Variants in TEX9 observed in about 807,000 individuals in gnomAD.
The protein encoded by TEX9 is testis expressed 9.
In TEX9, 74 loss-of-function variants were observed where a neutral mutation model predicts 59.6. The observed-to-expected ratio is 1.24, with a 90% CI of 1.03 to 1.51. The LOEUF is 1.51. Ranked by LOEUF, TEX9 falls within the 40% of genes most tolerant of loss-of-function variation. The pLI is 0.00. For missense variants in TEX9, 522 were observed against 447.8 expected, an observed-to-expected ratio of 1.17 and a Z score of -1.49; for synonymous variants, 186 against 152.2, an observed-to-expected ratio of 1.22 and a Z score of -1.64.
intron 10 of TEX9, among the ~76,000 whole-genome samples, chr15:56,412,956 T>C (rs760136533): frequency 4.6e-5 from 7 of 152,034 alleles, no homozygotes; most frequent in Non-Finnish European, 7.4e-5. Flanking sequence ...TTTTAACAAG[T>C]TCCCAGGTAA....
chr15:56,344,632 T>C (rs1339214169), intron 1 of TEX9, among the ~76,000 whole-genome samples: 1 of 152,122 alleles, frequency 6.6e-6, no homozygotes, highest in African/African-American at 2.4e-5. Context: ...ATTGTTCACT[T>C]TAAATGGGTG....
chr15:56,305,048 C>T (rs1028731607), intron 1 of TEX9, among the ~76,000 whole-genome samples: 6 of 152,112 alleles, frequency 3.9e-5, no homozygotes, highest in Non-Finnish European at 7.4e-5. Context: ...GCTACAAATA[C>T]AATTAAATAC....
chr15:56,338,775 G>C (rs1014879633), intron 1 of TEX9, among the ~76,000 whole-genome samples: 13 of 151,964 alleles, frequency 8.6e-5, no homozygotes, highest in African/African-American at 3.1e-4. Context: ...AAAATTAGCT[G>C]GGCATGGTGG....
At position 56,391,305 on chromosome 15, in the gene TEX9, C is replaced by T. The variant is rs139609954; in HGVS notation, c.458C>T (p.Ser153Leu). ...GATGTTGCCATTCCAGAGGATTTCTCAGACTTTTCCCTTGCAAAAACAATT... is the reference window on the plus strand; with the variant it reads ...GATGTTGCCATTCCAGAGGATTTCTTAGACTTTTCCCTTGCAAAAACAATT... Residue 153 changes from serine (S) to leucine (L), a missense_variant, in exon 7 of 13, where the codon TCA becomes TTA. Physicochemically the swap from Ser to Leu is moderately radical, Grantham distance 145. Transcript: ENST00000352903. The T allele has an allele frequency of 1.6e-5, 25 of 1,597,776 alleles. No homozygotes were observed. In the East Asian group the frequency reaches 5.6e-4, roughly 36 times the overall value.
intron 9 of TEX9, among the ~76,000 whole-genome samples, chr15:56,399,311 C>T (rs768956849): frequency 2.0e-5 from 3 of 152,250 alleles, no homozygotes; most frequent in African/African-American, 7.2e-5. Flanking sequence ...GATTCTCTCC[C>T]GTGCCTGGCT....
At chr15:56,256,495 TG>T (rs1322754482) in intron 1 of TEX9, among the ~76,000 whole-genome samples, 3 of 151,834 alleles carry the variant, frequency 2.0e-5, no homozygotes. Flanking sequence ...AAAAAGCTAG[TG>T]AAAAAAATAC....
intron 12 of TEX9, chr15:56,428,880 T>A: frequency 2.0e-6 from 1 of 490,848 alleles, no homozygotes; most frequent in South Asian, 2.7e-5. Flanking sequence ...TGCTCTGTAG[T>A]GTTGTAGAAA....
intron 1 of TEX9, among the ~76,000 whole-genome samples, chr15:56,318,949 T>C (rs1483145993): frequency 1.3e-5 from 2 of 152,154 alleles, no homozygotes; most frequent in Non-Finnish European, 2.9e-5. Context: ...TCTACGCTAT[T>C]ACAACCCTGT....
At chr15:56,284,758 C>G (rs1312537699) in intron 1 of TEX9, among the ~76,000 whole-genome samples, 2 of 152,080 alleles carry the variant, frequency 1.3e-5, no homozygotes, top group Non-Finnish European at 2.9e-5. Context: ...TTTCCCCGTC[C>G]ATCCTCACTG....
intron 3 of TEX9, among the ~76,000 whole-genome samples, chr15:56,375,831 A>G (rs1280001734): frequency 6.6e-6 from 1 of 151,280 alleles, no homozygotes; most frequent in Non-Finnish European, 1.5e-5. Context: ...CAAATGTCCA[A>G]CAATGATAGA....
rs190408852 is a variant in TEX9, at chr15:56,258,871, T to C, written c.-107+14593T>C. Among the ~76,000 whole-genome samples, 4 of 150,724 alleles carry C rather than the reference T, an allele frequency of 2.7e-5. No homozygotes were observed. The East Asian group carries it at 7.7e-4, about 29-fold the overall frequency. ...ACATTCTTTAGATATTGTAGATATG[T>C]TATTTGTTGGATATATATGAATATA... On this transcript the variant is annotated intron_variant, in intron 1 of 5. Coordinates refer to the TEX9 transcript ENST00000560827.
chr15:56,391,279 C>A, exon 7 of TEX9: 1 of 1,582,154 alleles, frequency 6.3e-7, no homozygotes. Context: ...AAACTGCCGA[C>A]GATGTTGCCA....
At chr15:56,372,489 T>C (rs1453840093) in intron 2 of TEX9, among the ~76,000 whole-genome samples, 2 of 152,218 alleles carry the variant, frequency 1.3e-5, no homozygotes, top group African/African-American at 2.4e-5. Flanking sequence ...AAAAAAGTTA[T>C]ATGCTTTTGA....
At chr15:56,336,092 A>ACTTT (rs1450841358) in intron 1 of TEX9, among the ~76,000 whole-genome samples, 1 of 152,156 alleles carries the variant, frequency 6.6e-6, no homozygotes, top group Non-Finnish European at 1.5e-5. Flanking sequence ...TCGCTGAAAT[A>ACTTT]CTTTCATTTC....
chr15:56,386,679 T>G (rs561549930), intron 4 of TEX9, among the ~76,000 whole-genome samples: 6 of 152,112 alleles, frequency 3.9e-5, no homozygotes, highest in Admixed American at 3.9e-4. Flanking sequence ...AAATAGATAT[T>G]TAAGTTATCA....
chr15:56,458,882 G>GA, the TEX9 span, among the ~76,000 whole-genome samples: 5 of 152,036 alleles, frequency 3.3e-5, no homozygotes, highest in African/African-American at 1.2e-4. Context: ...TCTAAATTTT[G>GA]ACATTTATAA....
At chr15:56,329,929 G>A (rs7178214) in intron 1 of TEX9, among the ~76,000 whole-genome samples, 4,000 of 151,642 alleles carry the variant, frequency 0.026, 167 homozygotes, top group African/African-American at 0.092. Context: ...GAAGGTTATA[G>A]AACACCAAGC....
chr15:56,283,078 G>GTGTGTA (rs2044858551), intron 1 of TEX9, among the ~76,000 whole-genome samples: 1 of 150,476 alleles, frequency 6.6e-6, no homozygotes, highest in Non-Finnish European at 1.5e-5. Context: ...GTGTGTGTGT[G>GTGTGTA]TGTACATATA....
At chr15:56,253,573 G>A (rs1374912818) in intron 1 of TEX9, among the ~76,000 whole-genome samples, 2 of 152,114 alleles carry the variant, frequency 1.3e-5, no homozygotes, top group African/African-American at 4.8e-5. Context: ...GAGGGTCTGT[G>A]CTTTCTAGCT....
Sources: gnomAD v4.1 joint callset for allele counts (sites outside exome capture counted in the v4.1 genomes callset) on GRCh38, gnomAD v4.1.1 for gene constraint, MANE v1.5 for transcripts, NCBI Gene and HGNC (gene_info 2026-07-23, HGNC 2026-07-21) for gene names.